CNTN4: variants seen among roughly 807,000 people sequenced by gnomAD.
CNTN4 encodes the protein contactin-4.
In CNTN4, 77 loss-of-function variants were observed where a neutral mutation model predicts 122.5. The ratio of observed to expected loss-of-function variants is 0.63; its 90% CI spans 0.52 to 0.76. The LOEUF (loss-of-function observed/expected upper bound fraction) is 0.76, where lower values mean the gene tolerates loss of function less well. Ranked by LOEUF, CNTN4 falls within the 30% of genes least tolerant of loss-of-function variation. CNTN4 has a pLI of 0.00. For missense variants in CNTN4, 1,256 were observed against 1,259.1 expected (o/e 1.00, Z 0.04); for synonymous variants, 512 against 447.0 (o/e 1.15, Z -1.83).
intron 4 of CNTN4, among the ~76,000 whole-genome samples, chr3:2,606,695 G>A (rs935855627): frequency 3.3e-5 from 5 of 152,076 alleles, no homozygotes; most frequent in African/African-American, 9.7e-5. Context: ...CTGCTTGTTC[G>A]TCAGCATTCT....
chr3:2,399,885 G>A (rs1440237829), intron 3 of CNTN4, among the ~76,000 whole-genome samples: 1 of 151,940 alleles, frequency 6.6e-6, no homozygotes, highest in Non-Finnish European at 1.5e-5. Flanking sequence ...ATCATGCTGT[G>A]GTGGAAATCT....
At chr3:2,138,356 C>T (rs1192266419) in intron 2 of CNTN4, among the ~76,000 whole-genome samples, 2 of 152,148 alleles carry the variant, frequency 1.3e-5, no homozygotes, top group African/African-American at 4.8e-5. Flanking sequence ...GTGTGAGCTA[C>T]CGTGCCCAGC....
intron 8 of CNTN4, among the ~76,000 whole-genome samples, chr3:2,871,990 G>C (rs2093790218): frequency 6.6e-6 from 1 of 152,142 alleles, no homozygotes; most frequent in African/African-American, 2.4e-5. Context: ...GGAACCATGA[G>C]AGGGAGAAAG....
At chr3:2,716,192 T>G (rs923970664) in intron 4 of CNTN4, among the ~76,000 whole-genome samples, 1 of 152,148 alleles carries the variant, frequency 6.6e-6, no homozygotes, top group Non-Finnish European at 1.5e-5. Flanking sequence ...CATTTTTTAA[T>G]ATACCAATTA....
chr3:2,264,238 G>T (rs2040952710), intron 2 of CNTN4, among the ~76,000 whole-genome samples: 2 of 152,186 alleles, frequency 1.3e-5, no homozygotes, highest in Non-Finnish European at 2.9e-5. Context: ...CACAAACAGT[G>T]TATAAGCTTT....
At chr3:2,920,209 C>G (rs562648921) in intron 12 of CNTN4, among the ~76,000 whole-genome samples, 2 of 151,364 alleles carry the variant, frequency 1.3e-5, no homozygotes, top group South Asian at 4.2e-4. Flanking sequence ...CACACAGACT[C>G]TCTCTCACAC....
chr3:2,502,707 C>T (rs142759653), intron 3 of CNTN4, among the ~76,000 whole-genome samples: 2 of 152,214 alleles, frequency 1.3e-5, no homozygotes, highest in East Asian at 1.9e-4. Flanking sequence ...ATTGTTGGAA[C>T]TTTACCTTCA....
chr3:3,031,011 A>G, intron 16 of CNTN4, 36 bp downstream of exon 16: 1 of 1,612,976 alleles, frequency 6.2e-7, no homozygotes, highest in Non-Finnish European at 8.5e-7. Context: ...TTCTTGAAAT[A>G]TTTTCATGAT....
rs149243547 is a variant in CNTN4, at chr3:2,147,115, G to A, written c.-145+46476G>A. ...AGGATGGTCTTGATCTCTTGACCTC[G>A]TGATCCACCCACCTTGGCCTCCCAA... On this transcript the variant is annotated intron_variant, in intron 2 of 24. Transcript: ENST00000418658. 9.8e-3 allele frequency among the ~76,000 whole-genome samples: 1,484 copies of A among 152,114 alleles called. 30 individuals carry two copies. The highest frequency in any genetic ancestry group is 0.034 in the African/African-American group (1,426 of 41,498).
At chr3:2,479,059 T>A (rs532655928) in intron 3 of CNTN4, among the ~76,000 whole-genome samples, 2 of 152,202 alleles carry the variant, frequency 1.3e-5, no homozygotes, top group African/African-American at 4.8e-5. Flanking sequence ...AGGACTTTCA[T>A]CTTTGCTCAT....
intron 6 of CNTN4, 81 bp downstream of exon 6, chr3:2,745,778 A>G: frequency 5.6e-6 from 7 of 1,244,654 alleles, no homozygotes; most frequent in Non-Finnish European, 8.2e-6. Flanking sequence ...TAGCAGTTTC[A>G]TTTTAGAGAC....
chr3:2,118,700 T>C (rs2125183040), intron 2 of CNTN4, among the ~76,000 whole-genome samples: 1 of 152,310 alleles, frequency 6.6e-6, no homozygotes, highest in South Asian at 2.1e-4. Flanking sequence ...ATTTTTTTGG[T>C]TCCTCTGGCC....
intron 2 of CNTN4, among the ~76,000 whole-genome samples, chr3:2,212,417 G>A (rs1290616834): frequency 6.6e-6 from 1 of 152,172 alleles, no homozygotes; most frequent in Non-Finnish European, 1.5e-5. Flanking sequence ...CCACATGGCT[G>A]GAGAGACCTC....
intron 3 of CNTN4, among the ~76,000 whole-genome samples, chr3:2,426,589 T>A (rs2047842296): frequency 6.6e-6 from 1 of 152,214 alleles, no homozygotes; most frequent in African/African-American, 2.4e-5. Flanking sequence ...CCTCATAAAA[T>A]GAGTTAGGGA....
intron 3 of CNTN4, among the ~76,000 whole-genome samples, chr3:2,500,441 AT>A (rs1474180978): frequency 1.3e-5 from 2 of 152,008 alleles, no homozygotes; most frequent in African/African-American, 4.8e-5. Context: ...TTTGACACTT[AT>A]TTTTTCTTAA....
chr3:2,842,327 A>G (rs1170708367), intron 7 of CNTN4, among the ~76,000 whole-genome samples: 1 of 152,186 alleles, frequency 6.6e-6, no homozygotes, highest in Non-Finnish European at 1.5e-5. Context: ...ACCCAAACAC[A>G]AAATCTTCCA....
chr3:2,294,657 G>C (rs2042243694), intron 2 of CNTN4, among the ~76,000 whole-genome samples: 1 of 152,010 alleles, frequency 6.6e-6, no homozygotes, highest in Non-Finnish European at 1.5e-5. Flanking sequence ...AAAAAGAATA[G>C]GCTGTCTCTA....
chr3:2,315,062 A>G (rs1169706423), intron 2 of CNTN4, among the ~76,000 whole-genome samples: 2 of 152,116 alleles, frequency 1.3e-5, no homozygotes, highest in East Asian at 3.8e-4. Flanking sequence ...ACTGAAATGT[A>G]CATCAAAAAG....
chr3:2,921,638 T>C (rs1225009380), intron 12 of CNTN4, among the ~76,000 whole-genome samples: 2 of 152,192 alleles, frequency 1.3e-5, no homozygotes, highest in African/African-American at 4.8e-5. Context: ...CAACTGGCAG[T>C]GTTCCCAGTG....
Sources: gnomAD v4.1 joint callset for allele counts (sites outside exome capture counted in the v4.1 genomes callset) on GRCh38, gnomAD v4.1.1 for gene constraint, MANE v1.5 for transcripts, NCBI Gene and HGNC (gene_info 2026-07-23, HGNC 2026-07-21) for gene names.